Variants in AZIN2 observed in about 807,000 individuals in gnomAD.
AZIN2 encodes the protein ODC antizyme inhibitor-2.
In AZIN2, 28 loss-of-function variants were observed where a neutral mutation model predicts 47.8. The observed-to-expected ratio is 0.59, with a 90% CI of 0.43 to 0.80. The LOEUF (loss-of-function observed/expected upper bound fraction) is 0.80. Among genes scored for constraint, AZIN2 ranks in the 30% least tolerant of loss-of-function variants. The pLI, the probability that AZIN2 is intolerant of heterozygous loss-of-function variation, is 0.00. For synonymous variants in AZIN2, 221 were observed against 239.4 expected, an observed-to-expected ratio of 0.92 and a Z score of 0.71; for missense variants, 535 against 582.5, an observed-to-expected ratio of 0.92 and a Z score of 0.84.
At chr1:33,099,254 G>T (rs1219265302) in intron 10 of AZIN2, among the ~76,000 whole-genome samples, 2 of 151,854 alleles carry the variant, frequency 1.3e-5, no homozygotes, top group African/African-American at 4.8e-5. Context: ...CCTTATCCCT[G>T]TGCTGGCCTA....
In AZIN2 at chr1:33,081,923, GGGAA is replaced by G. The variant is rs1258519942; in HGVS notation, c.-73+114_-73+117del. The G allele has an allele frequency of 3.1e-6, 1 of 326,220 alleles. No homozygotes were observed. The highest frequency in any genetic ancestry group is 5.9e-6 in the Non-Finnish European group (1 of 169,960). The allele number at this position is 326,220 out of a possible 1,614,324, so 20.2% of individuals were successfully genotyped here. A position where few individuals can be genotyped will look rare whatever the true frequency, so the allele number is the denominator to read the frequency against. ...TCCTGAAATCCAGAATTTCAGAACT[GGGAA>G]GGCTCTCCAAAACAATTCATCCATT... On this transcript the variant is annotated intron_variant, in intron 3 of 11. Coordinates refer to ENST00000294517, the MANE Select transcript of AZIN2 (RefSeq NM_052998.4). This position sits in a 1 kb window ranked among gnomAD's most constrained non-coding sequence, Gnocchi z 4.2.
chr1:33,158,320 C>G, the AZIN2 span: 1 of 1,613,980 alleles, frequency 6.2e-7, no homozygotes, highest in Non-Finnish European at 8.5e-7. Flanking sequence ...ACTTGGAGGT[C>G]GGGAAGTCTT....
the AZIN2 span, chr1:33,165,378 C>T: frequency 9.9e-6 from 12 of 1,215,078 alleles, no homozygotes; most frequent in South Asian, 1.3e-4. The surrounding 1 kb of genome is among the most constrained non-coding windows in gnomAD (Gnocchi z 4.0). Context: ...ACCGCACACC[C>T]GAGGCCCCGC....
chr1:33,086,273 T>A (rs995955013), intron 5 of AZIN2, among the ~76,000 whole-genome samples: 1 of 152,162 alleles, frequency 6.6e-6, no homozygotes, highest in African/African-American at 2.4e-5. Flanking sequence ...ATTTAACGTA[T>A]AAGGAAATGA....
At chr1:33,160,402 T>G in the AZIN2 span, among the ~76,000 whole-genome samples, 1 of 151,854 alleles carries the variant, frequency 6.6e-6, no homozygotes, top group Non-Finnish European at 1.5e-5. Context: ...TTTTTTTGCT[T>G]TTATTATTAT....
the AZIN2 span, among the ~76,000 whole-genome samples, chr1:33,161,350 G>A: frequency 7.9e-5 from 12 of 152,150 alleles, no homozygotes; most frequent in African/African-American, 9.7e-5. The surrounding 1 kb of genome is among the most constrained non-coding windows in gnomAD (Gnocchi z 4.3). Context: ...ATAGAAGTGC[G>A]GCCAGGCTGC....
chr1:33,158,430 G>T, the AZIN2 span: 1 of 1,408,552 alleles, frequency 7.1e-7, no homozygotes, highest in Non-Finnish European at 1.0e-6. Context: ...AATGCCAGGG[G>T]CCCCGCAGCC....
chr1:33,115,562 G>C (rs1033601676), intron 10 of AZIN2, among the ~76,000 whole-genome samples: 1 of 152,066 alleles, frequency 6.6e-6, no homozygotes, highest in African/African-American at 2.4e-5. Flanking sequence ...AAATTAGCCA[G>C]GTGTGGTGGC....
intron 10 of AZIN2, among the ~76,000 whole-genome samples, chr1:33,102,285 G>A (rs1643760316): frequency 6.6e-6 from 1 of 152,100 alleles, no homozygotes; most frequent in South Asian, 2.1e-4. Flanking sequence ...ATATTTACTG[G>A]CCAAATGTGT....
At chr1:33,100,834 T>C (rs938207903) in intron 10 of AZIN2, among the ~76,000 whole-genome samples, 18 of 152,128 alleles carry the variant, frequency 1.2e-4, no homozygotes, top group Admixed American at 1.3e-4. Flanking sequence ...AAAGAAGGTC[T>C]GCATGGTGCA....
chr1:33,136,358 C>A, the AZIN2 span, among the ~76,000 whole-genome samples: 7 of 145,284 alleles, frequency 4.8e-5, no homozygotes, highest in Admixed American at 4.9e-4. Context: ...TTCTCTCTCT[C>A]TCTGTCTTTC....
At chr1:33,135,149 G>T in the AZIN2 span, among the ~76,000 whole-genome samples, 1 of 152,208 alleles carries the variant, frequency 6.6e-6, no homozygotes, top group Admixed American at 6.5e-5. Context: ...ATTTAGCCGG[G>T]CATGGTGGCA....
the AZIN2 span, among the ~76,000 whole-genome samples, chr1:33,135,756 T>C: frequency 6.6e-6 from 1 of 152,246 alleles, no homozygotes; most frequent in Non-Finnish European, 1.5e-5. Flanking sequence ...CTTGTTCTCC[T>C]GAGTCCTCAA....
At chr1:33,161,190 G>A in the AZIN2 span, among the ~76,000 whole-genome samples, 1 of 152,218 alleles carries the variant, frequency 6.6e-6, no homozygotes, top group Admixed American at 6.5e-5. The surrounding 1 kb of genome is among the most constrained non-coding windows in gnomAD (Gnocchi z 4.3). Context: ...ATTGAAGACT[G>A]CAATTCTAAT....
chr1:33,089,601 CT>C (rs1328277489), intron 5 of AZIN2, among the ~76,000 whole-genome samples: 4 of 152,196 alleles, frequency 2.6e-5, no homozygotes, highest in Admixed American at 6.5e-5. Flanking sequence ...ACATCTGCCC[CT>C]GGGAAGCAAG....
chr1:33,160,197 G>A, the AZIN2 span, among the ~76,000 whole-genome samples: 1 of 152,110 alleles, frequency 6.6e-6, no homozygotes, highest in African/African-American at 2.4e-5. Context: ...CAGCAATGGT[G>A]AGGAACACGG....
chr1:33,118,177 C>T lies in AZIN2; in HGVS notation c.1244+61C>T, dbSNP rs544598187. 13 of 1,466,382 alleles carry T rather than the reference C, an allele frequency of 8.9e-6. No homozygotes were observed. The African/African-American group carries it at 1.9e-4, about 21-fold the overall frequency. The allele number at this position is 1,466,382 out of a possible 1,614,324, so 90.8% of individuals were successfully genotyped here. The stretch of plus-strand genomic sequence containing the variant: ...AGGAACTGGGCAGAAACGAGGGAAA[C>T]TTGAGATTTGAGATTCTGCTTCTGT... On this transcript the variant is annotated intron_variant, in intron 11 of 11. Coordinates refer to ENST00000294517, the MANE Select transcript of AZIN2 (RefSeq NM_052998.4).
At chr1:33,093,678 G>A (rs1642822081) in intron 7 of AZIN2, among the ~76,000 whole-genome samples, 1 of 151,730 alleles carries the variant, frequency 6.6e-6, no homozygotes, top group Admixed American at 6.6e-5. Flanking sequence ...CAGCCTGTAG[G>A]ACAAAGGTTT....
chr1:33,140,917 G>A, the AZIN2 span, among the ~76,000 whole-genome samples: 1 of 152,168 alleles, frequency 6.6e-6, no homozygotes, highest in South Asian at 2.1e-4. This position sits in a 1 kb window ranked among gnomAD's most constrained non-coding sequence, Gnocchi z 4.0. Flanking sequence ...GGGGTAGGAG[G>A]AGACACCAGA....
Sources: gnomAD v4.1 joint callset for allele counts (sites outside exome capture counted in the v4.1 genomes callset) on GRCh38, gnomAD v4.1.1 for gene constraint, Gnocchi (gnomAD v3.1) non-coding constraint, MANE v1.5 for transcripts, NCBI Gene and HGNC (gene_info 2026-07-23, HGNC 2026-07-21) for gene names.